AGPAT4: variants seen among roughly 807,000 people sequenced by gnomAD.
The protein encoded by AGPAT4 is 1-acylglycerol-3-phosphate O-acyltransferase 4.
Under a neutral mutation model 48.0 loss-of-function variants are expected in AGPAT4, and 15 were observed. The observed-to-expected ratio is 0.31, with a 90% CI of 0.21 to 0.48. AGPAT4 has a LOEUF of 0.48. AGPAT4 is among the 20% of genes least tolerant of loss of function. The pLI is 0.99. For synonymous variants in AGPAT4, 178 were observed against 198.7 expected (o/e 0.90, Z 0.88); for missense variants, 314 against 482.5 (o/e 0.65, Z 3.27).
chr6:161,161,479 G>T lies in AGPAT4; in HGVS notation c.348+4769C>A. 1 of 456,734 alleles carries T rather than the reference G, an allele frequency of 2.2e-6. No homozygotes were observed. The allele number at this position is 456,734 out of a possible 1,614,324, so 28.3% of individuals were successfully genotyped here. A position where few individuals can be genotyped will look rare whatever the true frequency, so the allele number is the denominator to read the frequency against. ...CGTCCCAGCCCATTCCTAGTGCAAGGTCTGTGCCTGCAGAGCTGATGAATT... is the reference window on the plus strand; with the variant it reads ...CGTCCCAGCCCATTCCTAGTGCAAGTTCTGTGCCTGCAGAGCTGATGAATT... On this transcript the variant is annotated intron_variant, in intron 3 of 8. Transcript: ENST00000320285. This position sits in a 1 kb window ranked among gnomAD's most constrained non-coding sequence, Gnocchi z 4.6.
rs1778872863 is a variant in AGPAT4 at position 161,130,694 on chromosome 6, T to C, written c.*5846A>G. On this transcript the variant is annotated 3_prime_UTR_variant, in exon 9 of 9. Coordinates refer to ENST00000320285, the MANE Select transcript of AGPAT4 (RefSeq NM_020133.3). ...GAACATCTGTTGACTGTGGGCGGCC[T>C]GGGCCAGCCTTGCTGTGTTTGCCTC... The C allele has an allele frequency of 6.1e-6, 2 of 328,356 alleles. No homozygotes were observed. Among genetic ancestry groups the C allele is most frequent in the Non-Finnish European group, 1.2e-5 (2 of 160,052 alleles). The allele number at this position is 328,356 out of a possible 1,614,324, so 20.3% of individuals were successfully genotyped here.
intron 3 of AGPAT4, chr6:161,160,924 GCCCAGCAC>G (rs1198649513): frequency 2.3e-5 from 10 of 442,354 alleles, no homozygotes; most frequent in Non-Finnish European, 4.6e-5. Context: ...GATTGGCCTC[GCCCAGCAC>G]CCCAGCACCC....
At position 161,132,987 on chromosome 6, in the gene AGPAT4, A is replaced by C. The variant is rs996240980; in HGVS notation, c.*3553T>G. Reference sequence around the variant, plus strand: ...CCTAGGGCCCCTCAAGAGACGTGCAAACCAAAGTATTTGTTTTTCTCACTT... The same window carrying C: ...CCTAGGGCCCCTCAAGAGACGTGCACACCAAAGTATTTGTTTTTCTCACTT... On this transcript the variant is annotated 3_prime_UTR_variant, in exon 9 of 9. Coordinates refer to ENST00000320285, the MANE Select transcript of AGPAT4 (RefSeq NM_020133.3). The C allele has an allele frequency of 2.0e-5, 3 of 152,228 alleles. No homozygotes were observed. Among genetic ancestry groups the C allele is most frequent in the African/African-American group, 7.2e-5 (3 of 41,464 alleles). The allele number at this position is 152,228 out of a possible 1,614,324, so 9.4% of individuals were successfully genotyped here.
At position 161,180,936 on chromosome 6, in the gene AGPAT4, GTAGA is replaced by G. The variant is rs1269938066; in HGVS notation, c.179-14523_179-14520del. Among the ~76,000 whole-genome samples, 3 of 152,178 alleles carry G rather than the reference GTAGA, an allele frequency of 2.0e-5. No individual in the cohort carries two copies. Among genetic ancestry groups the G allele is most frequent in the Admixed American group, 1.3e-4 (2 of 15,278 alleles). On this transcript the variant is annotated intron_variant, in intron 2 of 8. Transcript: ENST00000320285. The surrounding 1 kb of genome is among the most constrained non-coding windows in gnomAD (Gnocchi z 6.4). ...AAGAGATTACTAATAGGAAAAAGAAGTAGATAGACAAAAACAAAGTGGAGTTAAG... is the reference window on the plus strand; with the variant it reads ...AAGAGATTACTAATAGGAAAAAGAAGTAGACAAAAACAAAGTGGAGTTAAG...
chr6:161,223,913 C>T lies in AGPAT4; in HGVS notation c.178+8123G>A, dbSNP rs573537947. On this transcript the variant is annotated intron_variant, in intron 2 of 8. Transcript: ENST00000320285. This position sits in a 1 kb window ranked among gnomAD's most constrained non-coding sequence, Gnocchi z 6.3. ...AACAGTTCCTGGAACAGTAAGTGCT[C>T]AGTAAATACTAGCTGGCTAAAAGTT... 2.1e-4 allele frequency among the ~76,000 whole-genome samples: 32 copies of T among 152,298 alleles called. No individual in the cohort carries two copies. The Middle Eastern group carries it at 0.014, about 65-fold the overall frequency.
At position 161,234,959 on chromosome 6, in the gene AGPAT4, C is replaced by T. The variant is rs1782232753; in HGVS notation, c.-89-2657G>A. Among the ~76,000 whole-genome samples the T allele has an allele frequency of 6.6e-6, 1 of 151,962 alleles. No individual in the cohort carries two copies. The highest frequency in any genetic ancestry group is 2.4e-5 in the African/African-American group (1 of 41,344). On this transcript the variant is annotated intron_variant, in intron 1 of 8. Coordinates refer to ENST00000320285, the MANE Select transcript of AGPAT4 (RefSeq NM_020133.3). This position sits in a 1 kb window ranked among gnomAD's most constrained non-coding sequence, Gnocchi z 4.4. ...ACTAGCAATGCATGAACCAGGGTCT[C>T]AGATAGCATTGGTGAAGTGTAAAGA...
At position 161,259,173 on chromosome 6, in the gene AGPAT4, C is replaced by T. The variant is rs1783031877; in HGVS notation, c.-90+14765G>A. Among the ~76,000 whole-genome samples the T allele has an allele frequency of 1.3e-5, 2 of 152,138 alleles. No homozygotes were observed. The highest frequency in any genetic ancestry group is 2.1e-4 in the South Asian group (1 of 4,822). On this transcript the variant is annotated intron_variant, in intron 1 of 8. Coordinates refer to ENST00000320285, the MANE Select transcript of AGPAT4 (RefSeq NM_020133.3). This position sits in a 1 kb window ranked among gnomAD's most constrained non-coding sequence, Gnocchi z 4.9. ...AACATAATGTTATGATATACGTTTA[C>T]ACCGTGAAATGATTAAATGAAGCTC...
At position 161,161,273 on chromosome 6, in the gene AGPAT4, C is replaced by T. The variant is rs1181287220; in HGVS notation, c.348+4975G>A. The T allele has an allele frequency of 4.4e-6, 2 of 456,730 alleles. No homozygotes were observed. The highest frequency in any genetic ancestry group is 3.3e-4 in the Middle Eastern group (1 of 3,076). The allele number at this position is 456,730 out of a possible 1,614,324, so 28.3% of individuals were successfully genotyped here. A position where few individuals can be genotyped will look rare whatever the true frequency, so the allele number is the denominator to read the frequency against. On this transcript the variant is annotated intron_variant, in intron 3 of 8. Transcript: ENST00000320285. This position sits in a 1 kb window ranked among gnomAD's most constrained non-coding sequence, Gnocchi z 4.6. ...TACAGATGAGCATGCGCTCCCACCTCCAGGATGGTAGTCGGTATGAACCCG... is the reference window on the plus strand; with the variant it reads ...TACAGATGAGCATGCGCTCCCACCTTCAGGATGGTAGTCGGTATGAACCCG...
In AGPAT4 at chr6:161,219,872, T is replaced by TAGATAGAG. The variant is rs1375144242; in HGVS notation, c.178+12163_178+12164insCTCTATCT. Among the ~76,000 whole-genome samples the TAGATAGAG allele has an allele frequency of 3.3e-5, 4 of 121,166 alleles. No individual in the cohort carries two copies. Among genetic ancestry groups the TAGATAGAG allele is most frequent in the Non-Finnish European group, 5.6e-5 (3 of 53,806 alleles). The allele number at this position is 121,166 out of a possible 152,430, so 79.5% of individuals were successfully genotyped here. On this transcript the variant is annotated intron_variant, in intron 2 of 8. Transcript: ENST00000320285. The surrounding 1 kb of genome is among the most constrained non-coding windows in gnomAD (Gnocchi z 4.9). ...ATAGATAGATAGATAGATAGATAGA[T>TAGATAGAG]AGGCAGGCAGGCAGGCAGGCAGGCA...
Position 161,259,362 on chromosome 6 carries a change from C to G in AGPAT4, c.-90+14576G>C, listed in dbSNP as rs1422327589. 6.6e-6 allele frequency among the ~76,000 whole-genome samples: 1 copy of G among 152,118 alleles called. No individual in the cohort carries two copies. The highest frequency in any genetic ancestry group is 1.5e-5 in the Non-Finnish European group (1 of 68,022). On this transcript the variant is annotated intron_variant, in intron 1 of 8. Transcript: ENST00000320285. The surrounding 1 kb of genome is among the most constrained non-coding windows in gnomAD (Gnocchi z 4.9). ...GCTTTAACAGCACCAATCATCCTTT[C>G]TATACTGAGATAGTCCTAATATGAC...
At position 161,197,155 on chromosome 6, in the gene AGPAT4, G is replaced by A. The variant is rs1781092072; in HGVS notation, c.179-30738C>T. ...GATACTAATGAGTATTTTAGGAGAT[G>A]GGCCATTTGGAAAAAAATGAGATAA... On this transcript the variant is annotated intron_variant, in intron 2 of 8. Coordinates refer to ENST00000320285, the MANE Select transcript of AGPAT4 (RefSeq NM_020133.3). The surrounding 1 kb of genome is among the most constrained non-coding windows in gnomAD (Gnocchi z 5.7). Among the ~76,000 whole-genome samples, 1 of 152,106 alleles carries A rather than the reference G, an allele frequency of 6.6e-6. No individual in the cohort carries two copies. Among genetic ancestry groups the A allele is most frequent in the Non-Finnish European group, 1.5e-5 (1 of 68,024 alleles).
At chr6:161,199,897 G>A (rs1562335320) in intron 2 of AGPAT4, among the ~76,000 whole-genome samples, 1 of 152,136 alleles carries the variant, frequency 6.6e-6, no homozygotes, top group African/African-American at 2.4e-5. Flanking sequence ...GCTCTTCATA[G>A]CAGTGTGAGA....
At position 161,149,034 on chromosome 6, in the gene AGPAT4, C is replaced by T; in HGVS notation, c.767+153G>A. 3.1e-6 allele frequency: 2 copies of T among 655,042 alleles called. No homozygotes were observed. The highest frequency in any genetic ancestry group is 3.8e-6 in the Non-Finnish European group (2 of 528,548). The allele number at this position is 655,042 out of a possible 1,614,324, so 40.6% of individuals were successfully genotyped here. On this transcript the variant is annotated intron_variant, in intron 6 of 8. Coordinates refer to ENST00000320285, the MANE Select transcript of AGPAT4 (RefSeq NM_020133.3). This position sits in a 1 kb window ranked among gnomAD's most constrained non-coding sequence, Gnocchi z 6.5. ...CGGAAGGAGACTTCAGCAGATCATTCCAATAGTAGGATGTGTCAAATTCAA... is the reference window on the plus strand; with the variant it reads ...CGGAAGGAGACTTCAGCAGATCATTTCAATAGTAGGATGTGTCAAATTCAA...
In AGPAT4 at chr6:161,161,449, G is replaced by A. The variant is rs1445843296; in HGVS notation, c.348+4799C>T. The A allele has an allele frequency of 2.2e-6, 1 of 456,572 alleles. No homozygotes were observed. Among genetic ancestry groups the A allele is most frequent in the East Asian group, 6.9e-5 (1 of 14,394 alleles). 28.3% of individuals were successfully genotyped at this position (456,572 alleles called of 1,614,324 possible). On this transcript the variant is annotated intron_variant, in intron 3 of 8. Coordinates refer to ENST00000320285, the MANE Select transcript of AGPAT4 (RefSeq NM_020133.3). The surrounding 1 kb of genome is among the most constrained non-coding windows in gnomAD (Gnocchi z 4.6). The stretch of plus-strand genomic sequence containing the variant: ...ACCCAGTGAATGGTAAGAGGCAGAG[G>A]GTGGCGTCCCAGCCCATTCCTAGTG...
rs988426236 is a variant in AGPAT4, at chr6:161,165,428, C to T, written c.348+820G>A. The T allele has an allele frequency of 2.9e-5, 9 of 310,744 alleles. No homozygotes were observed. Among genetic ancestry groups the T allele is most frequent in the African/African-American group, 1.9e-4 (9 of 46,604 alleles). The allele number at this position is 310,744 out of a possible 1,614,324, so 19.2% of individuals were successfully genotyped here. A position where few individuals can be genotyped will look rare whatever the true frequency, so the allele number is the denominator to read the frequency against. ...TTTGTCTTCAGGGGCTACCAAAAAG[C>T]AAGGTGATTTCAGCAGCCCCCGTAT... On this transcript the variant is annotated intron_variant, in intron 3 of 8. Coordinates refer to ENST00000320285, the MANE Select transcript of AGPAT4 (RefSeq NM_020133.3). The surrounding 1 kb of genome is among the most constrained non-coding windows in gnomAD (Gnocchi z 5.5).
rs780123102 is a variant in AGPAT4, at chr6:161,139,468, G to C, written c.996C>G (p.Ser332Arg). 1.9e-6 allele frequency: 3 copies of C among 1,613,932 alleles called. No homozygotes were observed. The African/African-American group carries it at 4.0e-5, about 22-fold the overall frequency. The change falls in exon 8 of 9, where the codon AGC (serine) becomes AGG (arginine). Residue 332 changes from serine to arginine, a missense_variant. By Grantham distance (110) the Ser-to-Arg change is moderately radical (BLOSUM62 -1). Coordinates refer to ENST00000320285, the MANE Select transcript of AGPAT4 (RefSeq NM_020133.3). This position sits in a 1 kb window ranked among gnomAD's most constrained non-coding sequence, Gnocchi z 9.1. ...FFQFLVSMIR[S>R]GSSLTLASFI... is the part of the protein sequence containing the mutation. ...AGCTGGCCAGCGTCAGGGAAGACCCGCTCCTGATCATGCTGACCAGGAACT... is the reference window on the plus strand; with the variant it reads ...AGCTGGCCAGCGTCAGGGAAGACCCCCTCCTGATCATGCTGACCAGGAACT...
At chr6:161,151,878 G>A (rs1562314070) in intron 5 of AGPAT4, among the ~76,000 whole-genome samples, 1 of 152,204 alleles carries the variant, frequency 6.6e-6, no homozygotes, top group Non-Finnish European at 1.5e-5. Flanking sequence ...TGGGGCCCAG[G>A]GTCGGTGTAG....
chr6:161,204,469 C>T lies in AGPAT4; in HGVS notation c.178+27567G>A, dbSNP rs1781324154. On this transcript the variant is annotated intron_variant, in intron 2 of 8. Coordinates refer to ENST00000320285, the MANE Select transcript of AGPAT4 (RefSeq NM_020133.3). This position sits in a 1 kb window ranked among gnomAD's most constrained non-coding sequence, Gnocchi z 4.4. The stretch of plus-strand genomic sequence containing the variant: ...CCAGTTCCAACCTTAAAGGTAAATA[C>T]TTCAGTTACTATTTAGTACCCCCTC... Among the ~76,000 whole-genome samples, 1 of 152,136 alleles carries T rather than the reference C, an allele frequency of 6.6e-6. No homozygotes were observed. The highest frequency in any genetic ancestry group is 2.4e-5 in the African/African-American group (1 of 41,426).
At position 161,225,044 on chromosome 6, in the gene AGPAT4, CCACCCTGACTCATTCCGATTACCTGCTT is replaced by C. The variant is rs1267930213; in HGVS notation, c.178+6964_178+6991del. 5.3e-5 allele frequency among the ~76,000 whole-genome samples: 8 copies of C among 152,098 alleles called. No individual in the cohort carries two copies. The highest frequency in any genetic ancestry group is 2.1e-4 in the South Asian group (1 of 4,796). On this transcript the variant is annotated intron_variant, in intron 2 of 8. Transcript: ENST00000320285. This position sits in a 1 kb window ranked among gnomAD's most constrained non-coding sequence, Gnocchi z 5.0. ...CCCTGACTCCTTCCAACTACCTGCT[CCACCCTGACTCATTCCGATTACCTGCTT>C]CACCCTGACTCATTCGGATTATTAC...
Sources: allele counts gnomAD v4.1 joint callset (sites outside exome capture counted in the v4.1 genomes callset), GRCh38; gene constraint gnomAD v4.1.1; non-coding constraint Gnocchi (gnomAD v3.1); transcripts MANE v1.5; gene names NCBI Gene and HGNC (gene_info 2026-07-23, HGNC 2026-07-21).